P2RX7: variants seen among roughly 807,000 people sequenced by gnomAD.
P2RX7 encodes P2X purinoceptor 7.
In P2RX7, 62 loss-of-function variants were observed where a neutral mutation model predicts 71.6. The observed-to-expected ratio is 0.87, with a 90% CI of 0.71 to 1.07. The LOEUF is 1.07. P2RX7 is among the 50% of genes least tolerant of loss of function. P2RX7 has a pLI of 0.00. For synonymous variants in P2RX7, 299 were observed against 283.3 expected (o/e 1.06, Z -0.56); for missense variants, 686 against 748.5 (o/e 0.92, Z 0.97).
intron 11 of P2RX7, among the ~76,000 whole-genome samples, chr12:121,178,657 T>C (rs1395034394): frequency 6.6e-6 from 1 of 151,958 alleles, no homozygotes; most frequent in East Asian, 1.9e-4. Context: ...CCAGGCGTGG[T>C]GGTGCATGCC....
rs79771730 is a variant in P2RX7, at chr12:121,177,027, C to T, written c.973-120C>T. 1.4e-3 allele frequency: 1,071 copies of T among 789,852 alleles called. 22 individuals carry two copies. The East Asian group carries it at 0.027, about 20-fold the overall frequency. 48.9% of individuals were successfully genotyped at this position (789,852 alleles called of 1,614,324 possible). On this transcript the variant is annotated intron_variant, in intron 9 of 12. Coordinates refer to ENST00000328963, the MANE Select transcript of P2RX7 (RefSeq NM_002562.6). ...GTCTCTGCCTCAGCCAGCACTTGAA[C>T]GCATCTATCCAAGTCACAGCATGAG... is the stretch of plus-strand genomic sequence containing the variant.
In P2RX7 at chr12:121,165,369, G is replaced by A; in HGVS notation, c.546G>A (p.Leu182=). The stretch of plus-strand genomic sequence containing the variant: ...GTCTCTCTCCCAGGCCTGCTCTCTT[G>A]AACAGTGCCGAAAACTTCACTGTGC... The part of the protein sequence containing the change: ...AVEEAPRPAL[L]NSAENFTVLI... The change falls in exon 6 of 13, where the codon TTG becomes TTA. Residue 182 remains leucine (L), a synonymous_variant. Transcript: ENST00000328963. 6.2e-7 allele frequency: 1 copy of A among 1,613,976 alleles called. No individual in the cohort carries two copies. Among genetic ancestry groups the A allele is most frequent in the Non-Finnish European group, 8.5e-7 (1 of 1,179,966 alleles).
intron 1 of P2RX7, among the ~76,000 whole-genome samples, chr12:121,136,024 A>ATATATATG (rs1555222076): frequency 5.1e-4 from 6 of 11,654 alleles, no homozygotes; most frequent in African/African-American, 6.4e-4. Flanking sequence ...AAAAAAAAAA[A>ATATATATG]TATATATATA....
intron 3 of P2RX7, among the ~76,000 whole-genome samples, chr12:121,159,393 G>A (rs1363833167): frequency 2.2e-5 from 3 of 139,208 alleles, no homozygotes; most frequent in Non-Finnish European, 4.5e-5. Flanking sequence ...CTCTAGCCTG[G>A]TCGACAGAGC....
intron 4 of P2RX7, 115 bp from the exon 5 acceptor site, chr12:121,162,309 A>G: frequency 1.4e-6 from 2 of 1,475,706 alleles, no homozygotes; most frequent in African/African-American, 1.4e-5. Context: ...TGGGTTGGAA[A>G]GCCTGGTCAA....
At chr12:121,176,107 A>G (rs973343406) in intron 9 of P2RX7, among the ~76,000 whole-genome samples, 2 of 152,112 alleles carry the variant, frequency 1.3e-5, no homozygotes, top group Non-Finnish European at 2.9e-5. Flanking sequence ...ACTATGGATG[A>G]CATGCCCACT....
At chr12:121,160,799 C>T (rs1879512875) in intron 3 of P2RX7, 103 bp from the exon 4 acceptor site, 4 of 986,664 alleles carry the variant, frequency 4.1e-6, no homozygotes, top group South Asian at 3.8e-5. Flanking sequence ...AGTAGTGCTG[C>T]TATAAGCATT....
chr12:121,168,846 A>T (rs1881637539), intron 8 of P2RX7, among the ~76,000 whole-genome samples: 1 of 152,260 alleles, frequency 6.6e-6, no homozygotes, highest in South Asian at 2.1e-4. Context: ...ATCTTTGCAC[A>T]TAAACTTCTC....
Position 121,154,232 on chromosome 12 carries a change from G to A in P2RX7, c.126-553G>A, listed in dbSNP as rs1046231894. Among the ~76,000 whole-genome samples the A allele has an allele frequency of 5.7e-4, 87 of 151,940 alleles. 1 individual carries two copies. The highest frequency in any genetic ancestry group is 1.9e-3 in the African/African-American group (77 of 41,428). ...TTGAACCTGGGAGGTGGAAGTTGCAGTGAGCCAAGATCGCACCATTGCACT... is the reference window on the plus strand; with the variant it reads ...TTGAACCTGGGAGGTGGAAGTTGCAATGAGCCAAGATCGCACCATTGCACT... On this transcript the variant is annotated intron_variant, in intron 1 of 12. Transcript: ENST00000328963. This position sits in a 1 kb window ranked among gnomAD's most constrained non-coding sequence, Gnocchi z 4.2.
intron 11 of P2RX7, among the ~76,000 whole-genome samples, chr12:121,179,904 C>T (rs2686380): frequency 0.39 from 58,822 of 151,394 alleles, 11,844 homozygotes; most frequent in African/African-American, 0.45. Context: ...AATCCCAGCA[C>T]TTTGGTAGGC....
chr12:121,136,023 A>AAAAAAAAAAAAAAAAAAAAAAATATAT, intron 1 of P2RX7, among the ~76,000 whole-genome samples: 1 of 15,256 alleles, frequency 6.6e-5, no homozygotes, highest in South Asian at 5.4e-3. Flanking sequence ...AAAAAAAAAA[A>AAAAAAAAAAAAAAAAAAAAAAATATAT]ATATATATAT....
intron 11 of P2RX7, among the ~76,000 whole-genome samples, chr12:121,179,882 G>A (rs1053315014): frequency 7.3e-5 from 11 of 150,936 alleles, no homozygotes; most frequent in African/African-American, 2.7e-4. Flanking sequence ...TGGCGTGGTG[G>A]CTCACTCCTG....
intron 1 of P2RX7, among the ~76,000 whole-genome samples, chr12:121,139,954 A>T (rs950341298): frequency 1.3e-5 from 2 of 151,838 alleles, no homozygotes; most frequent in African/African-American, 4.8e-5. Flanking sequence ...CTGGTCTCGA[A>T]CTCCTGGCCT....
chr12:121,133,913 G>C (rs1404310846), intron 1 of P2RX7, among the ~76,000 whole-genome samples: 1 of 152,004 alleles, frequency 6.6e-6, no homozygotes, highest in Admixed American at 6.5e-5. Context: ...TTAAAGAGAC[G>C]GGGTCTCACT....
At chr12:121,135,859 C>G (rs750967157) in intron 1 of P2RX7, among the ~76,000 whole-genome samples, 53 of 149,920 alleles carry the variant, frequency 3.5e-4, no homozygotes, top group Non-Finnish European at 6.1e-4. Flanking sequence ...CAAAAATTAG[C>G]CGGGCATGGT....
intron 1 of P2RX7, among the ~76,000 whole-genome samples, chr12:121,133,843 C>A (rs67691679): frequency 6.6e-6 from 1 of 152,114 alleles, no homozygotes; most frequent in Non-Finnish European, 1.5e-5. Flanking sequence ...TGGCACTTAG[C>A]GTGTTTTCAA....
chr12:121,163,358 G>GCACACACGCACACA (rs1491129143), intron 5 of P2RX7, among the ~76,000 whole-genome samples: 1 of 100,430 alleles, frequency 1.0e-5, no homozygotes, highest in African/African-American at 2.9e-5. Context: ...ACACACACAC[G>GCACACACGCACACA]CACACACACA....
In P2RX7 at chr12:121,158,733, T is replaced by A. The variant is rs192279541; in HGVS notation, c.364-2169T>A. Among the ~76,000 whole-genome samples, 55 of 151,300 alleles carry A rather than the reference T, an allele frequency of 3.6e-4. No individual in the cohort carries two copies. The East Asian group carries it at 4.3e-3, about 12-fold the overall frequency. ...AAAACAAAACTAATGTGCTGTTTTTTAAAAAAAAAATTAGAATTCCTTTTG... is the reference window on the plus strand; with the variant it reads ...AAAACAAAACTAATGTGCTGTTTTTAAAAAAAAAAATTAGAATTCCTTTTG... On this transcript the variant is annotated intron_variant, in intron 3 of 12. Transcript: ENST00000328963.
intron 12 of P2RX7, among the ~76,000 whole-genome samples, chr12:121,180,680 T>G (rs1305890530): frequency 6.6e-6 from 1 of 152,108 alleles, no homozygotes; most frequent in East Asian, 1.9e-4. Flanking sequence ...TTTTAAAATT[T>G]GGCTGGGCAC....
Sources: gnomAD v4.1 joint callset for allele counts (sites outside exome capture counted in the v4.1 genomes callset) on GRCh38, gnomAD v4.1.1 for gene constraint, Gnocchi (gnomAD v3.1) non-coding constraint, MANE v1.5 for transcripts, NCBI Gene and HGNC (gene_info 2026-07-23, HGNC 2026-07-21) for gene names.